CMTM8: variants seen among roughly 807,000 people sequenced by gnomAD.
The protein encoded by CMTM8 is CKLF like MARVEL transmembrane domain containing 8, also known as CKLF-like MARVEL transmembrane domain-containing protein 8.
CMTM8 carries 12 observed loss-of-function variants against 18.6 expected under a neutral mutation model. The observed-to-expected ratio is 0.65, with a 90% CI of 0.41 to 1.05. The LOEUF (loss-of-function observed/expected upper bound fraction) is 1.05. CMTM8 is among the 50% of genes least tolerant of loss of function. CMTM8 has a pLI of 0.00. For missense variants in CMTM8, 217 were observed against 227.2 expected (o/e 0.95, Z 0.29); for synonymous variants, 87 against 90.6 (o/e 0.96, Z 0.23).
At chr3:32,361,286 G>GTTTTTTTTTTGTTTTTTGTTTTT (rs58364646) in intron 2 of CMTM8, among the ~76,000 whole-genome samples, 3 of 87,268 alleles carry the variant, frequency 3.4e-5, no homozygotes, top group African/African-American at 1.2e-4. Context: ...CAGCCTAAGA[G>GTTTTTTTTTTGTTTTTTGTTTTT]TTTTTTTTTC....
intron 1 of CMTM8, among the ~76,000 whole-genome samples, chr3:32,329,279 C>T (rs1334049378): frequency 2.0e-5 from 3 of 151,998 alleles, no homozygotes; most frequent in Non-Finnish European, 4.4e-5. Context: ...TTGACCAGCC[C>T]GGTCTTGAAC....
At chr3:32,336,741 G>A (rs1415422400) in intron 1 of CMTM8, among the ~76,000 whole-genome samples, 1 of 152,166 alleles carries the variant, frequency 6.6e-6, no homozygotes, top group Non-Finnish European at 1.5e-5. Context: ...CCTCTTTCCT[G>A]TAAGCCTTTA....
chr3:32,320,490 T>G (rs1242782381), intron 1 of CMTM8, among the ~76,000 whole-genome samples: 2 of 152,072 alleles, frequency 1.3e-5, no homozygotes, highest in Non-Finnish European at 2.9e-5. Context: ...TGGGAGAGAA[T>G]GGGGAACAGC....
intron 1 of CMTM8, among the ~76,000 whole-genome samples, chr3:32,284,355 G>A (rs1369732553): frequency 6.6e-6 from 1 of 152,216 alleles, no homozygotes; most frequent in Admixed American, 6.5e-5. Context: ...AAGCAGTGAG[G>A]GAGTCTTGAG....
chr3:32,298,923 ACATATATATATATATATG>A (rs1410905464), intron 1 of CMTM8, among the ~76,000 whole-genome samples: 5 of 134,486 alleles, frequency 3.7e-5, no homozygotes, highest in Admixed American at 1.5e-4. Flanking sequence ...ATACACACAC[ACATATATATATATATATG>A]TATATATATA....
chr3:32,307,546 T>G lies in CMTM8; in HGVS notation c.148-49827T>G, dbSNP rs564647671. 3.1e-4 allele frequency among the ~76,000 whole-genome samples: 47 copies of G among 152,208 alleles called. No homozygotes were observed. The Middle Eastern group carries it at 0.01, about 33-fold the overall frequency. ...TTGGGCAGCATTCAGTATAGGAGAC[T>G]GTGGAGTGGCAAGGCAGAGATGGCC... On this transcript the variant is annotated intron_variant, in intron 1 of 3. Coordinates refer to ENST00000307526, the MANE Select transcript of CMTM8 (RefSeq NM_178868.5).
chr3:32,239,179 G>A, intron 1 of CMTM8, 60 bp downstream of exon 1: 1 of 1,535,094 alleles, frequency 6.5e-7, no homozygotes, highest in Middle Eastern at 1.9e-4. Context: ...GCGTGCTTCC[G>A]CCGTGCTTCT....
intron 1 of CMTM8, among the ~76,000 whole-genome samples, chr3:32,340,233 A>G (rs909845071): frequency 6.6e-5 from 10 of 152,180 alleles, no homozygotes; most frequent in Non-Finnish European, 1.3e-4. Context: ...TCGCCATTCA[A>G]CAGGGTCCGG....
At position 32,281,079 on chromosome 3, in the gene CMTM8, T is replaced by G. The variant is rs1049770093; in HGVS notation, c.147+41960T>G. Among the ~76,000 whole-genome samples the G allele has an allele frequency of 2.6e-5, 4 of 152,112 alleles. No homozygotes were observed. In the East Asian group the frequency reaches 5.8e-4, roughly 22 times the overall value. On this transcript the variant is annotated intron_variant, in intron 1 of 3. Coordinates refer to ENST00000307526, the MANE Select transcript of CMTM8 (RefSeq NM_178868.5). ...ATCCTGGAACTCCCCAAGCCCCATC[T>G]CTGCATGGGGACAATCCTGAGGTTT... is the stretch of plus-strand genomic sequence containing the variant.
chr3:32,319,949 T>C (rs1411102936), intron 1 of CMTM8, among the ~76,000 whole-genome samples: 1 of 152,146 alleles, frequency 6.6e-6, no homozygotes, highest in Non-Finnish European at 1.5e-5. Context: ...CCCATGAGTA[T>C]TTTCTTACGT....
At chr3:32,326,515 C>CT (rs58555396) in intron 1 of CMTM8, among the ~76,000 whole-genome samples, 5,264 of 113,354 alleles carry the variant, frequency 0.046, 157 homozygotes, top group Non-Finnish European at 0.052. Context: ...TTCTTTCTTT[C>CT]TTTTTTTTTT....
At chr3:32,323,843 A>C (rs1696106609) in intron 1 of CMTM8, among the ~76,000 whole-genome samples, 1 of 152,218 alleles carries the variant, frequency 6.6e-6, no homozygotes, top group Non-Finnish European at 1.5e-5. Flanking sequence ...AATCAACACT[A>C]TCAAGTTGTT....
intron 1 of CMTM8, 28 bp downstream of exon 1, chr3:32,239,147 G>C: frequency 2.5e-6 from 4 of 1,575,128 alleles, no homozygotes; most frequent in Non-Finnish European, 3.4e-6. Context: ...GGGGGTGGCG[G>C]GGGGCTCAGC....
chr3:32,239,569 T>C (rs973844368), intron 1 of CMTM8, among the ~76,000 whole-genome samples: 3 of 152,012 alleles, frequency 2.0e-5, no homozygotes, highest in African/African-American at 7.3e-5. Flanking sequence ...GGTAGTAACA[T>C]TGAGGTGAGT....
At chr3:32,319,486 C>G (rs57605314) in intron 1 of CMTM8, among the ~76,000 whole-genome samples, 2 of 151,768 alleles carry the variant, frequency 1.3e-5, no homozygotes, top group African/African-American at 4.9e-5. Flanking sequence ...ACTTGAAAAT[C>G]TGCCGTGCTA....
At chr3:32,261,360 T>C (rs1240966815) in intron 1 of CMTM8, among the ~76,000 whole-genome samples, 4 of 152,108 alleles carry the variant, frequency 2.6e-5, no homozygotes, top group African/African-American at 9.7e-5. Context: ...AAATGATCAA[T>C]TATAGGAATT....
At position 32,356,647 on chromosome 3, in the gene CMTM8, A is replaced by G. The variant is rs143372499; in HGVS notation, c.148-726A>G. 4.0e-3 allele frequency among the ~76,000 whole-genome samples: 607 copies of G among 152,294 alleles called. 2 individuals are homozygous for G. Among genetic ancestry groups the G allele is most frequent in the African/African-American group, 0.014 (583 of 41,556 alleles). ...TGAAAGCTGTCTCAGACCACATGTTACTGGCCATCTGTGAGAAGAGCAGGG... is the reference window on the plus strand; with the variant it reads ...TGAAAGCTGTCTCAGACCACATGTTGCTGGCCATCTGTGAGAAGAGCAGGG... On this transcript the variant is annotated intron_variant, in intron 1 of 3. Transcript: ENST00000307526.
At chr3:32,257,901 GA>G (rs1182889331) in intron 1 of CMTM8, among the ~76,000 whole-genome samples, 2 of 152,194 alleles carry the variant, frequency 1.3e-5, no homozygotes, top group South Asian at 2.1e-4. Context: ...TTTTTCAGAG[GA>G]AAGGAAATAT....
chr3:32,265,832 G>A (rs1374199560), intron 1 of CMTM8, among the ~76,000 whole-genome samples: 4 of 151,902 alleles, frequency 2.6e-5, no homozygotes, highest in South Asian at 2.1e-4. Flanking sequence ...ACACCTCTAC[G>A]CAAATAAACT....
Sources: allele counts gnomAD v4.1 joint callset (sites outside exome capture counted in the v4.1 genomes callset), GRCh38; gene constraint gnomAD v4.1.1; transcripts MANE v1.5; gene names NCBI Gene and HGNC (gene_info 2026-07-23, HGNC 2026-07-21).